The following ARSD variants were observed in gnomAD, a reference collection of about 807,000 sequenced individuals.
ARSD encodes arylsulfatase D, also known as testis tissue sperm-binding protein Li 39a.
In ARSD, 21 loss-of-function variants were observed where a neutral mutation model predicts 32.6. The observed-to-expected ratio is 0.64, with a 90% CI of 0.46 to 0.93. The LOEUF (loss-of-function observed/expected upper bound fraction) is 0.93, where lower values mean the gene tolerates loss of function less well. Ranked by LOEUF, ARSD falls within the 40% of genes least tolerant of loss-of-function variation. The pLI is 0.00. For synonymous variants in ARSD, 224 were observed against 237.4 expected, an observed-to-expected ratio of 0.94 and a Z score of 0.52; for missense variants, 454 against 520.9, an observed-to-expected ratio of 0.87 and a Z score of 1.25.
In ARSD at chrX:2,904,841, G is replaced by A; in HGVS notation, c.*2430C>T. The A allele has an allele frequency of 4.5e-6, 1 of 220,300 alleles. No homozygotes were observed. Among genetic ancestry groups the A allele is most frequent in the South Asian group, 5.4e-5 (1 of 18,662 alleles). 18.2% of individuals were successfully genotyped at this position (220,300 alleles called of 1,213,427 possible). On this transcript the variant is annotated 3_prime_UTR_variant, in exon 10 of 10. Transcript: ENST00000381154. ...TGTTATAATGGGCTTGTTGAATACG[G>A]TGAAAGATGAGATGGCTTTTAGCTG...
chrX:2,929,138 G>C, intron 1 of ARSD, 94 bp downstream of exon 1: 2 of 866,799 alleles, frequency 2.3e-6, no homozygotes, highest in Non-Finnish European at 1.5e-6. Flanking sequence ...AGGGGCCCAG[G>C]CTCGCCCGGG....
Position 2,918,163 on chromosome X carries a change from G to A in ARSD, c.504C>T (p.His168=). ...RGDHCHHPLN[H]GFDYFYGMPF... is the part of the protein sequence containing the mutation. ...GCATGCCGTAGAAATAGTCAAATCC[G>A]TGGTTCAGGGGGTGGTGGCAGTGAT... Residue 168 remains histidine (H), a synonymous_variant, in exon 5 of 10, where the codon CAC becomes CAT. Coordinates refer to ENST00000381154, the MANE Select transcript of ARSD (RefSeq NM_001669.4). 1 of 1,197,338 alleles carries A rather than the reference G, an allele frequency of 8.4e-7. No individual in the cohort carries two copies. The highest frequency in any genetic ancestry group is 3.0e-5 in the East Asian group (1 of 33,348).
chrX:2,913,535 T>G, intron 6 of ARSD: 2 of 980,770 alleles, frequency 2.0e-6, no homozygotes, highest in Non-Finnish European at 2.6e-6. Context: ...TCACTATGCT[T>G]GTCTCGGGAG....
rs1465979105 is a variant in ARSD at position 2,917,916 on chromosome X, C to T, written c.751G>A (p.Val251Met). The change falls in exon 5 of 10, where the codon GTG (valine) becomes ATG (methionine). Residue 251 changes from valine to methionine, a missense_variant. Physicochemically the swap from Val to Met is conservative, Grantham distance 21. This residue lies in a region of ARSD where 271 missense variants were observed against 301.0 expected (regional missense o/e 0.90). Coordinates refer to ENST00000381154, the MANE Select transcript of ARSD (RefSeq NM_001669.4). ...ATCAGGATACAGTTCCAGCGTCGCA[C>T]AAACCCGAAGGAGGAGTACCAAGAG... ...FISWYSSFGF[V>M]RRWNCILMRN... The T allele has an allele frequency of 1.7e-6, 2 of 1,211,172 alleles. No homozygotes were observed. The highest frequency in any genetic ancestry group is 2.2e-5 in the Admixed American group (1 of 45,960).
intron 6 of ARSD, among the ~76,000 whole-genome samples, chrX:2,912,640 A>G (rs1199672841): frequency 9.0e-6 from 1 of 111,593 alleles, no homozygotes; most frequent in African/African-American, 3.3e-5. Flanking sequence ...CAACGCCAAG[A>G]GGTTGCCAGT....
Position 2,920,609 on chromosome X carries a change from C to T in ARSD, c.431G>A (p.Gly144Asp). 1 of 1,211,768 alleles carries T rather than the reference C, an allele frequency of 8.3e-7. No individual in the cohort carries two copies. The highest frequency in any genetic ancestry group is 1.1e-6 in the Non-Finnish European group (1 of 895,533). Reference protein sequence around the residue: ...RILQQHGYATGLIGKWHQGVN... With the variant: ...RILQQHGYATDLIGKWHQGVN... ...CTCCCACATATCCACACCTATGAGG[C>T]CGGTTGCATAGCCATGCTGCTGCAA... Residue 144 changes from glycine (G) to aspartate (D), a missense_variant, in exon 4 of 10, where the codon GGC becomes GAC. Gly to Asp is a moderately conservative substitution (Grantham distance 94, BLOSUM62 -1). Around this residue, in one of 3 missense-constraint regions of ARSD, gnomAD observed 271 missense variants for 301.0 expected, o/e 0.90. Coordinates refer to ENST00000381154, the MANE Select transcript of ARSD (RefSeq NM_001669.4).
chrX:2,925,494 T>C (rs749738340), intron 2 of ARSD, 122 bp downstream of exon 2: 193 of 754,856 alleles, frequency 2.6e-4, no homozygotes, highest in Non-Finnish European at 3.4e-4. Flanking sequence ...TTTTACCTGT[T>C]GGTAGTTTTT....
intron 6 of ARSD, among the ~76,000 whole-genome samples, chrX:2,911,669 CAA>C (rs1289160928): frequency 0.017 from 476 of 28,618 alleles, 5 homozygotes; most frequent in African/African-American, 0.047. Flanking sequence ...GACTCCATCT[CAA>C]AAAAAAAAAA....
chrX:2,916,417 GA>G (rs1389646506), intron 5 of ARSD, among the ~76,000 whole-genome samples: 1 of 110,294 alleles, frequency 9.1e-6, no homozygotes, highest in Non-Finnish European at 1.9e-5. Context: ...AGAATTGCCT[GA>G]GCCTTGGAGA....
intron 1 of ARSD, 83 bp from the exon 2 acceptor site, chrX:2,925,848 G>A (rs1376412586): frequency 9.2e-6 from 9 of 977,595 alleles, no homozygotes; most frequent in Non-Finnish European, 1.1e-5. Context: ...CGCTGGGAAG[G>A]CGAAGGTCTT....
intron 6 of ARSD, chrX:2,913,599 A>G (rs1203333506): frequency 2.0e-6 from 2 of 1,004,695 alleles, no homozygotes; most frequent in Non-Finnish European, 2.6e-6. Context: ...AAGAATCTGC[A>G]GCCTCGTTGG....
In ARSD at chrX:2,905,192, G is replaced by A. The variant is rs2088843898; in HGVS notation, c.*2079C>T. ...TCCTCTGGATCTTGGAAGCTTCCAT[G>A]CTGAGGTCTGAAGGTGGCTCCCTGC... On this transcript the variant is annotated 3_prime_UTR_variant, in exon 10 of 10. Transcript: ENST00000381154. 3.6e-6 allele frequency: 1 copy of A among 277,901 alleles called. No homozygotes were observed. Among genetic ancestry groups the A allele is most frequent in the African/African-American group, 2.8e-5 (1 of 35,618 alleles). The allele number at this position is 277,901 out of a possible 1,213,427, so 22.9% of individuals were successfully genotyped here.
chrX:2,912,753 G>C (rs892312865), intron 6 of ARSD, among the ~76,000 whole-genome samples: 6 of 111,590 alleles, frequency 5.4e-5, no homozygotes, highest in Non-Finnish European at 7.5e-5. Context: ...CCCTATGTAG[G>C]AGGAAGCAGG....
intron 8 of ARSD, 40 bp downstream of exon 8, chrX:2,909,777 T>A (rs765158997): frequency 7.3e-6 from 8 of 1,095,811 alleles, no homozygotes; most frequent in South Asian, 2.5e-5. Flanking sequence ...TAAAAACAAT[T>A]AAAAAAAATC....
Position 2,907,331 on chromosome X carries a change from C to G in ARSD, c.1722G>C (p.Gln574His). 2 of 1,212,097 alleles carry G rather than the reference C, an allele frequency of 1.7e-6. No homozygotes were observed. The highest frequency in any genetic ancestry group is 1.8e-5 in the South Asian group (1 of 56,980). Residue 574 changes from glutamine (Q) to histidine (H), a missense_variant, in exon 10 of 10, where the codon CAG becomes CAC. Gln to His is a conservative substitution (Grantham distance 24). Transcript: ENST00000381154. ...MSNILWKPWL[Q>H]PCCGHFPFCS... is the part of the protein sequence containing the mutation. ...AGAACGGGAAATGTCCGCAGCACGG[C>G]TGCAGCCACGGCTTCCACAGGATGT...
At chrX:2,929,151 G>A (rs1253675515) in intron 1 of ARSD, 81 bp downstream of exon 1, 1 of 902,927 alleles carries the variant, frequency 1.1e-6, no homozygotes, top group Non-Finnish European at 1.4e-6. Flanking sequence ...CGCCCGGGGC[G>A]CCCCTCGCCG....
chrX:2,919,652 T>C (rs924435222), intron 4 of ARSD, among the ~76,000 whole-genome samples: 1 of 111,620 alleles, frequency 9.0e-6, no homozygotes, highest in African/African-American at 3.3e-5. Context: ...CTAAACTATA[T>C]GCAAAAGCAA....
Position 2,921,959 on chromosome X carries a change from G to A in ARSD, c.260C>T (p.Pro87Leu), listed in dbSNP as rs760931823. The A allele has an allele frequency of 4.1e-6, 5 of 1,210,800 alleles. No individual in the cohort carries two copies. Among genetic ancestry groups the A allele is most frequent in the Admixed American group, 2.2e-5 (1 of 45,963 alleles). ...TGCAGCTCGGCTTGGGGTGCAGAGC[G>A]GGGCGGCCGCCAGGTGCTGAGTGAG... Reference protein sequence around the residue: ...VRLTQHLAAAPLCTPSRAAFL... With the variant: ...VRLTQHLAAALLCTPSRAAFL... The change falls in exon 3 of 10, where the codon CCG becomes CTG. Residue 87 changes from proline to leucine, a missense_variant. Pro to Leu is a moderately conservative substitution (Grantham distance 98, BLOSUM62 -3). This residue lies in a region of ARSD where 271 missense variants were observed against 301.0 expected (regional missense o/e 0.90). Transcript: ENST00000381154.
At chrX:2,914,768 C>T in intron 6 of ARSD, 1 of 1,026,059 alleles carries the variant, frequency 9.7e-7, no homozygotes, top group Non-Finnish European at 1.3e-6. Flanking sequence ...GACATGAAGT[C>T]ACTGGCTGTG....
Sources: gnomAD v4.1 joint callset for allele counts (sites outside exome capture counted in the v4.1 genomes callset) on GRCh38, gnomAD v4.1.1 for gene constraint, gnomAD v4.1.1 regional missense constraint, MANE v1.5 for transcripts, NCBI Gene and HGNC (gene_info 2026-07-23, HGNC 2026-07-21) for gene names.